SPATA6: variants seen among roughly 807,000 people sequenced by gnomAD.
SPATA6 encodes spermatogenesis associated 6.
A neutral mutation model predicts 65.3 loss-of-function variants in SPATA6; 56 were observed. The ratio of observed to expected loss-of-function variants is 0.86; its 90% CI spans 0.69 to 1.07. The LOEUF (loss-of-function observed/expected upper bound fraction) is 1.07. Ranked by LOEUF, SPATA6 falls within the 50% of genes least tolerant of loss-of-function variation. SPATA6 has a pLI of 0.00. For missense variants in SPATA6, 590 were observed against 594.8 expected (o/e 0.99, Z 0.08); for synonymous variants, 199 against 213.2 (o/e 0.93, Z 0.58).
At chr1:48,341,201 C>T (rs748211837) in intron 11 of SPATA6, among the ~76,000 whole-genome samples, 3 of 152,146 alleles carry the variant, frequency 2.0e-5, no homozygotes, top group African/African-American at 7.2e-5. Context: ...CCTTATGCCT[C>T]AACTATTCCA....
At chr1:48,290,002 G>C in the SPATA6 span, among the ~76,000 whole-genome samples, 52 of 152,184 alleles carry the variant, frequency 3.4e-4, no homozygotes, top group Middle Eastern at 0.01. Flanking sequence ...TAAAGAAAAC[G>C]CCACAAAGAT....
chr1:48,340,044 A>G lies in SPATA6; in HGVS notation c.1194+15626T>C, dbSNP rs374382989. Reference sequence around the variant, plus strand: ...GATAAATGACATTACCTTCAAAAGAACAAGAATAAGACTAACAACACACTT... The same window carrying G: ...GATAAATGACATTACCTTCAAAAGAGCAAGAATAAGACTAACAACACACTT... On this transcript the variant is annotated intron_variant, in intron 11 of 12. Coordinates refer to ENST00000371847, the MANE Select transcript of SPATA6 (RefSeq NM_019073.4). 4.6e-5 allele frequency among the ~76,000 whole-genome samples: 7 copies of G among 152,080 alleles called. No homozygotes were observed. In the East Asian group the frequency reaches 1.2e-3, roughly 25 times the overall value.
At chr1:48,424,132 C>T (rs1653619270) in intron 3 of SPATA6, among the ~76,000 whole-genome samples, 1 of 152,138 alleles carries the variant, frequency 6.6e-6, no homozygotes, top group Non-Finnish European at 1.5e-5. Flanking sequence ...ACCATTCCCA[C>T]CTCCCCATAA....
At position 48,472,014 on chromosome 1, in the gene SPATA6, C is replaced by A. The variant is rs758368067; in HGVS notation, c.-6G>T. On this transcript the variant is annotated 5_prime_UTR_variant, in exon 1 of 13. Transcript: ENST00000371847. ...AGCGCCTTCACCTTCGGCATCCGTG[C>A]GGGGAGGGGCGGCGGGGAGTGACCC... 1 of 1,350,742 alleles carries A rather than the reference C, an allele frequency of 7.4e-7. No individual in the cohort carries two copies. Among genetic ancestry groups the A allele is most frequent in the Non-Finnish European group, 9.7e-7 (1 of 1,029,406 alleles). 83.7% of individuals were successfully genotyped at this position (1,350,742 alleles called of 1,614,324 possible).
intron 9 of SPATA6, among the ~76,000 whole-genome samples, chr1:48,377,088 A>G (rs964512618): frequency 3.7e-4 from 57 of 152,062 alleles, no homozygotes; most frequent in African/African-American, 1.3e-3. Context: ...TACCACCCCA[A>G]TCTAACCTAT....
At chr1:48,380,416 G>C (rs1350301315) in intron 9 of SPATA6, among the ~76,000 whole-genome samples, 3 of 152,238 alleles carry the variant, frequency 2.0e-5, no homozygotes. Flanking sequence ...ATCCAGCGAT[G>C]AGAGTGGAAA....
intron 3 of SPATA6, among the ~76,000 whole-genome samples, chr1:48,442,124 G>A (rs2148113463): frequency 6.6e-6 from 1 of 152,272 alleles, no homozygotes; most frequent in East Asian, 1.9e-4. Context: ...GTTCATTTGT[G>A]GAGAATGGGA....
intron 1 of SPATA6, among the ~76,000 whole-genome samples, chr1:48,470,559 A>T (rs1216433169): frequency 6.6e-6 from 1 of 152,222 alleles, no homozygotes; most frequent in African/African-American, 2.4e-5. Flanking sequence ...AGAGTCCAAG[A>T]AAATTTCTAC....
intron 3 of SPATA6, among the ~76,000 whole-genome samples, chr1:48,416,588 T>C (rs1370566812): frequency 6.6e-6 from 1 of 152,216 alleles, no homozygotes; most frequent in African/African-American, 2.4e-5. Context: ...ATGACTGCAC[T>C]GGTGAATTTA....
intron 9 of SPATA6, among the ~76,000 whole-genome samples, chr1:48,381,588 AAAAT>A (rs994541300): frequency 5.9e-5 from 9 of 151,806 alleles, no homozygotes; most frequent in Admixed American, 2.6e-4. Flanking sequence ...ATCGTTTAAG[AAAAT>A]AAATAGTTTA....
chr1:48,326,173 T>C (rs1557566291), intron 11 of SPATA6: 1 of 152,816 alleles, frequency 6.5e-6, no homozygotes, highest in Non-Finnish European at 1.5e-5. Context: ...AAATTAAAAA[T>C]TAATCAGTGT....
intron 9 of SPATA6, among the ~76,000 whole-genome samples, chr1:48,374,410 T>C (rs1191852931): frequency 6.6e-6 from 1 of 151,848 alleles, no homozygotes; most frequent in Non-Finnish European, 1.5e-5. Flanking sequence ...GAAAAACATA[T>C]AACTTTGGTG....
At chr1:48,272,229 TATTA>T in the SPATA6 span, among the ~76,000 whole-genome samples, 9 of 152,184 alleles carry the variant, frequency 5.9e-5, no homozygotes, top group African/African-American at 1.7e-4. Context: ...TCTTAGCAAA[TATTA>T]ATTATACAAC....
At chr1:48,355,526 G>T in intron 11 of SPATA6, 144 bp downstream of exon 11, 1 of 579,372 alleles carries the variant, frequency 1.7e-6, no homozygotes, top group East Asian at 2.9e-5. Flanking sequence ...GTTGCCTTGG[G>T]CAAAACCACT....
chr1:48,364,722 C>A (rs533308120), intron 9 of SPATA6, among the ~76,000 whole-genome samples: 1 of 152,066 alleles, frequency 6.6e-6, no homozygotes, highest in Non-Finnish European at 1.5e-5. Flanking sequence ...GAGTAGGTTG[C>A]GAAAATTTTC....
intron 3 of SPATA6, among the ~76,000 whole-genome samples, chr1:48,413,753 TCTTAA>T (rs1439123300): frequency 6.6e-6 from 1 of 152,144 alleles, no homozygotes; most frequent in Non-Finnish European, 1.5e-5. Flanking sequence ...CTTCCCAGAA[TCTTAA>T]CTTGATAGCC....
intron 3 of SPATA6, among the ~76,000 whole-genome samples, chr1:48,434,121 A>G (rs1285903085): frequency 6.6e-6 from 1 of 152,174 alleles, no homozygotes; most frequent in Non-Finnish European, 1.5e-5. Context: ...GTGTCTTTAA[A>G]TAGGACAGTT....
At chr1:48,314,113 T>G (rs1411535250) in intron 11 of SPATA6, among the ~76,000 whole-genome samples, 1 of 152,112 alleles carries the variant, frequency 6.6e-6, no homozygotes, top group Non-Finnish European at 1.5e-5. Context: ...CACCCCACTG[T>G]CAACATTAGA....
At chr1:48,409,256 C>A (rs917054652) in intron 5 of SPATA6, among the ~76,000 whole-genome samples, 6 of 152,328 alleles carry the variant, frequency 3.9e-5, no homozygotes, top group African/African-American at 1.2e-4. Flanking sequence ...TCCAGCAGGG[C>A]AATCAAATCT....
Sources: allele counts gnomAD v4.1 joint callset (sites outside exome capture counted in the v4.1 genomes callset), GRCh38; gene constraint gnomAD v4.1.1; transcripts MANE v1.5; gene names NCBI Gene and HGNC (gene_info 2026-07-23, HGNC 2026-07-21).